The following MAGI1 variants were observed in gnomAD, a reference collection of about 807,000 sequenced individuals.
MAGI1 encodes membrane-associated guanylate kinase, WW and PDZ domain-containing protein 1.
Under a neutral mutation model 139.9 loss-of-function variants are expected in MAGI1, and 58 were observed. The observed-to-expected ratio is 0.41, with a 90% CI of 0.34 to 0.52. The LOEUF (loss-of-function observed/expected upper bound fraction) is 0.52. Among genes scored for constraint, MAGI1 ranks in the 20% least tolerant of loss-of-function variants. The probability of loss-of-function intolerance (pLI) is 0.12; values close to 1 mark genes in which losing one functional copy is unlikely to be tolerated. For missense variants in MAGI1, 1,874 were observed against 1,901.6 expected (o/e 0.99, Z 0.27); for synonymous variants, 812 against 737.9 (o/e 1.10, Z -1.63).
intron 2 of MAGI1, chr3:65,597,794 T>TC (rs1280723213): frequency 2.2e-6 from 1 of 456,236 alleles, no homozygotes; most frequent in Non-Finnish European, 4.4e-6. Context: ...CGAGAGGAGA[T>TC]CATGGACCAC....
chr3:65,401,441 A>G lies in MAGI1; in HGVS notation c.2197T>C (p.Ser733Pro). Residue 733 changes from serine to proline, a missense_variant and splice_region_variant, in exon 13 of 23, where the codon TCG becomes CCG. Around this residue, in one of 5 missense-constraint regions of MAGI1, gnomAD observed 482 missense variants for 509.6 expected, o/e 0.95. Transcript: ENST00000402939. ...GLPVPKKSPK[S>P]QPLERKDSQN... is the part of the protein sequence containing the mutation. ...CCAAGTAACTGACAAGTCCTTACCG[A>G]CTTTGGGCTCTTCTTGGGAACTGGC... The G allele has an allele frequency of 6.4e-7, 1 of 1,554,050 alleles. No individual in the cohort carries two copies.
At chr3:65,661,607 AT>A (rs1401682986) in intron 1 of MAGI1, among the ~76,000 whole-genome samples, 1 of 152,146 alleles carries the variant, frequency 6.6e-6, no homozygotes, top group Non-Finnish European at 1.5e-5. Flanking sequence ...CAGTTTCCTC[AT>A]TTGAAAACAG....
intron 1 of MAGI1, among the ~76,000 whole-genome samples, chr3:65,690,749 C>T (rs2088541371): frequency 6.6e-6 from 1 of 151,814 alleles, no homozygotes; most frequent in African/African-American, 2.4e-5. Context: ...GGATTACAGC[C>T]TCCCAATGTG....
intron 18 of MAGI1, among the ~76,000 whole-genome samples, chr3:65,365,974 A>G (rs1941382320): frequency 6.6e-6 from 1 of 152,172 alleles, no homozygotes; most frequent in South Asian, 2.1e-4. Context: ...TTTCCCAAGG[A>G]TCTTACTCAG....
chr3:65,931,325 AC>A (rs1188942456), intron 1 of MAGI1, among the ~76,000 whole-genome samples: 1 of 152,034 alleles, frequency 6.6e-6, no homozygotes, highest in African/African-American at 2.4e-5. Flanking sequence ...GAGCCACCGC[AC>A]CCGGCCCTCC....
chr3:65,761,801 T>A (rs2037055131), intron 1 of MAGI1, among the ~76,000 whole-genome samples: 1 of 152,204 alleles, frequency 6.6e-6, no homozygotes, highest in Admixed American at 6.5e-5. Flanking sequence ...GGGAATGTGA[T>A]CTGTTTCATC....
chr3:65,858,613 T>C (rs2059444620), intron 1 of MAGI1, among the ~76,000 whole-genome samples: 1 of 152,198 alleles, frequency 6.6e-6, no homozygotes. Flanking sequence ...CATCACAGGA[T>C]CTAATTATGA....
rs550340430 is a variant in MAGI1, at chr3:66,029,739, A to T, written c.313+8257T>A. On this transcript the variant is annotated intron_variant, in intron 1 of 22. Transcript: ENST00000402939. ...CTCCCAGATAAGCCCTGTGCATTCA[A>T]ATCCTGACCTAGAGTTGCCTTCTAG... Among the ~76,000 whole-genome samples, 7 of 152,246 alleles carry T rather than the reference A, an allele frequency of 4.6e-5. No homozygotes were observed. In the South Asian group the frequency reaches 1.2e-3, roughly 27 times the overall value.
At chr3:65,550,263 C>T (rs2079757314) in intron 2 of MAGI1, among the ~76,000 whole-genome samples, 1 of 152,136 alleles carries the variant, frequency 6.6e-6, no homozygotes, top group Non-Finnish European at 1.5e-5. Context: ...AGACAAAGCT[C>T]GGAGAGGTTA....
intron 3 of MAGI1, among the ~76,000 whole-genome samples, chr3:65,483,034 C>T (rs1005550694): frequency 6.6e-6 from 1 of 152,230 alleles, no homozygotes; most frequent in South Asian, 2.1e-4. Context: ...CAGGCTGCTG[C>T]AATGCAAGGG....
At chr3:65,458,906 T>C (rs1458240999) in intron 5 of MAGI1, among the ~76,000 whole-genome samples, 2 of 152,174 alleles carry the variant, frequency 1.3e-5, no homozygotes, top group African/African-American at 2.4e-5. Context: ...GCTTCCTCAA[T>C]GTTTTGTTTC....
At chr3:65,534,717 A>G (rs897744887) in intron 2 of MAGI1, among the ~76,000 whole-genome samples, 4 of 152,194 alleles carry the variant, frequency 2.6e-5, no homozygotes, top group African/African-American at 9.6e-5. Context: ...GAGAACACTG[A>G]CGATGATGGC....
chr3:65,560,929 C>T (rs2080316550), intron 2 of MAGI1, among the ~76,000 whole-genome samples: 1 of 152,186 alleles, frequency 6.6e-6, no homozygotes, highest in Admixed American at 6.5e-5. Context: ...AAACGAAGCC[C>T]ACTTTTTAAA....
rs144602440 is a variant in MAGI1, at chr3:65,844,151, G to A, written c.313+193845C>T. On this transcript the variant is annotated intron_variant, in intron 1 of 22. Transcript: ENST00000402939. The stretch of plus-strand genomic sequence containing the variant: ...ACTGGGTCGGTGGCCCAAAAAGAGT[G>A]CTAAATTTTTGCTGCACATGTGTAA... The A allele has an allele frequency of 7.1e-4, 369 of 519,708 alleles. 3 individuals carry two copies. The highest frequency in any genetic ancestry group is 6.7e-3 in the African/African-American group (350 of 51,892). The allele number at this position is 519,708 out of a possible 1,614,324, so 32.2% of individuals were successfully genotyped here.
intron 1 of MAGI1, among the ~76,000 whole-genome samples, chr3:65,999,411 T>C (rs533891590): frequency 8.5e-5 from 13 of 152,256 alleles, no homozygotes; most frequent in East Asian, 3.9e-4. Context: ...GCCAAGCATA[T>C]GCAATATCAA....
At chr3:66,001,529 G>A (rs913808535) in intron 1 of MAGI1, among the ~76,000 whole-genome samples, 3 of 152,104 alleles carry the variant, frequency 2.0e-5, no homozygotes, top group Admixed American at 6.5e-5. Context: ...AGATCCCTCT[G>A]AATCCTCACA....
intron 2 of MAGI1, among the ~76,000 whole-genome samples, chr3:65,613,275 G>A (rs2083210529): frequency 6.6e-6 from 1 of 152,136 alleles, no homozygotes; most frequent in Admixed American, 6.5e-5. Flanking sequence ...GTTCAGAGAT[G>A]GCTAACACAG....
chr3:65,460,414 T>C (rs919315763), intron 5 of MAGI1, among the ~76,000 whole-genome samples: 1 of 152,180 alleles, frequency 6.6e-6, no homozygotes, highest in Non-Finnish European at 1.5e-5. Flanking sequence ...TATGTAGAAA[T>C]AGTGTAATAG....
At chr3:65,729,566 G>C (rs188327995) in intron 1 of MAGI1, among the ~76,000 whole-genome samples, 1 of 152,256 alleles carries the variant, frequency 6.6e-6, no homozygotes, top group East Asian at 1.9e-4. Context: ...ATCTAACTCA[G>C]GGAAGAGCCA....
Sources: gnomAD v4.1 joint callset for allele counts (sites outside exome capture counted in the v4.1 genomes callset) on GRCh38, gnomAD v4.1.1 for gene constraint, gnomAD v4.1.1 regional missense constraint, MANE v1.5 for transcripts, NCBI Gene and HGNC (gene_info 2026-07-23, HGNC 2026-07-21) for gene names.